The following ELL variants were observed in gnomAD, a reference collection of about 807,000 sequenced individuals.
ELL encodes elongation factor for RNA polymerase II, also known as RNA polymerase II elongation factor ELL.
ELL carries 18 observed loss-of-function variants against 64.0 expected under a neutral mutation model. The observed-to-expected ratio is 0.28, with a 90% confidence interval of 0.19 to 0.42. ELL has a LOEUF of 0.42. Ranked by LOEUF, ELL falls within the 10% of genes least tolerant of loss-of-function variation. ELL has a pLI of 1.00. For missense variants in ELL, 797 were observed against 870.4 expected (o/e 0.92, Z 1.06); for synonymous variants, 399 against 376.2 (o/e 1.06, Z -0.70).
intron 5 of ELL, 51 bp downstream of exon 5, chr19:18,461,527 G>C (rs750503275): frequency 1.3e-6 from 2 of 1,551,716 alleles, no homozygotes; most frequent in Non-Finnish European, 1.7e-6. Context: ...ACCCGCACAA[G>C]ACCATCTGCG....
intron 1 of ELL, among the ~76,000 whole-genome samples, chr19:18,519,726 G>A (rs1976213164): frequency 6.6e-6 from 1 of 150,936 alleles, no homozygotes; most frequent in African/African-American, 2.4e-5. Context: ...AGAATCGCTT[G>A]AACCCGGGAG....
At chr19:18,514,908 C>T (rs2144980625) in intron 1 of ELL, among the ~76,000 whole-genome samples, 1 of 152,342 alleles carries the variant, frequency 6.6e-6, no homozygotes, top group Non-Finnish European at 1.5e-5. Context: ...GCTTCGAGCC[C>T]AGGGCTACGT....
chr19:18,494,971 G>C (rs1273587516), intron 1 of ELL, among the ~76,000 whole-genome samples: 1 of 152,216 alleles, frequency 6.6e-6, no homozygotes, highest in Non-Finnish European at 1.5e-5. Flanking sequence ...GAAAAAGACA[G>C]CAAGGCAGAA....
intron 1 of ELL, among the ~76,000 whole-genome samples, chr19:18,490,460 A>G (rs1483605113): frequency 6.6e-6 from 1 of 152,172 alleles, no homozygotes; most frequent in Non-Finnish European, 1.5e-5. Context: ...TCCTCCCCGC[A>G]GCGGGAGCCC....
intron 11 of ELL, 54 bp from the exon 12 acceptor site, chr19:18,444,922 C>T (rs577752638): frequency 1.1e-5 from 17 of 1,548,216 alleles, no homozygotes; most frequent in Middle Eastern, 2.4e-4. Context: ...TGCTGCTCCC[C>T]GCTGTAAGCA....
intron 1 of ELL, among the ~76,000 whole-genome samples, chr19:18,480,759 G>C (rs930247284): frequency 6.6e-6 from 1 of 151,988 alleles, no homozygotes; most frequent in East Asian, 1.9e-4. Flanking sequence ...CTCAGCTCCC[G>C]AGTAGCTGGG....
intron 1 of ELL, among the ~76,000 whole-genome samples, chr19:18,519,633 C>T (rs770161247): frequency 6.6e-5 from 10 of 152,040 alleles, no homozygotes; most frequent in Non-Finnish European, 1.0e-4. Context: ...ATGGCAAAAC[C>T]CTGTCTCTAC....
chr19:18,443,235 T>C lies in ELL; in HGVS notation c.*1517A>G, dbSNP rs1193186994. On this transcript the variant is annotated 3_prime_UTR_variant, in exon 12 of 12. Transcript: ENST00000262809. Reference sequence around the variant, plus strand: ...CCAAAGAGAAAAACAACAACAGCTATTGAAACATGAAGGATCAGTTTCCTC... The same window carrying C: ...CCAAAGAGAAAAACAACAACAGCTACTGAAACATGAAGGATCAGTTTCCTC... 2.6e-5 allele frequency: 6 copies of C among 232,166 alleles called. No homozygotes were observed. The highest frequency in any genetic ancestry group is 6.6e-5 in the African/African-American group (3 of 45,234). The allele number at this position is 232,166 out of a possible 1,614,324, so 14.4% of individuals were successfully genotyped here. A position where few individuals can be genotyped will look rare whatever the true frequency, so the allele number is the denominator to read the frequency against.
At chr19:18,450,216 T>C (rs1228056749) in intron 8 of ELL, among the ~76,000 whole-genome samples, 1 of 152,258 alleles carries the variant, frequency 6.6e-6, no homozygotes, top group Non-Finnish European at 1.5e-5. Context: ...CACAAGGCTC[T>C]GGGCCTCCGG....
chr19:18,512,029 C>G (rs8112859), intron 1 of ELL, among the ~76,000 whole-genome samples: 8 of 151,812 alleles, frequency 5.3e-5, no homozygotes, highest in Non-Finnish European at 1.0e-4. Context: ...GTGGCAGATG[C>G]CTGTAATCCC....
At chr19:18,516,899 G>C (rs1976143351) in intron 1 of ELL, among the ~76,000 whole-genome samples, 1 of 152,140 alleles carries the variant, frequency 6.6e-6, no homozygotes, top group African/African-American at 2.4e-5. Flanking sequence ...GGCCTCAGGA[G>C]GCAGGTGGAG....
intron 10 of ELL, chr19:18,446,043 C>T (rs372827717): frequency 2.0e-5 from 10 of 489,146 alleles, no homozygotes; most frequent in East Asian, 1.8e-4. Context: ...TACCCCGGCT[C>T]GCCCCCATCC....
At chr19:18,463,820 T>C (rs1174232140) in intron 4 of ELL, among the ~76,000 whole-genome samples, 1 of 150,792 alleles carries the variant, frequency 6.6e-6, no homozygotes, top group African/African-American at 2.4e-5. Flanking sequence ...CTATTAAAAA[T>C]ACAAAAAAAA....
chr19:18,487,067 A>G (rs1022964945), intron 1 of ELL, among the ~76,000 whole-genome samples: 4 of 152,188 alleles, frequency 2.6e-5, no homozygotes, highest in African/African-American at 7.2e-5. Context: ...CTAATCACTC[A>G]GGAACACAAA....
rs972871917 is a variant in ELL at position 18,444,248 on chromosome 19, C to T, written c.*504G>A. ...CTGCCCATTCCCCACGCCCTCAGAA[C>T]GCAGCTGCACCTTTCGACGACCTCT... On this transcript the variant is annotated 3_prime_UTR_variant, in exon 12 of 12. Transcript: ENST00000262809. 3 of 232,438 alleles carry T rather than the reference C, an allele frequency of 1.3e-5. No homozygotes were observed. Among genetic ancestry groups the T allele is most frequent in the African/African-American group, 2.2e-5 (1 of 45,246 alleles). 14.4% of individuals were successfully genotyped at this position (232,438 alleles called of 1,614,324 possible).
intron 1 of ELL, among the ~76,000 whole-genome samples, chr19:18,511,173 A>G (rs1029633240): frequency 1.1e-4 from 17 of 152,030 alleles, no homozygotes; most frequent in African/African-American, 3.6e-4. Flanking sequence ...AGGCTGAGGT[A>G]GGAGAATGGC....
intron 1 of ELL, among the ~76,000 whole-genome samples, chr19:18,500,479 C>G (rs562270966): frequency 3.3e-5 from 5 of 152,318 alleles, no homozygotes; most frequent in African/African-American, 1.2e-4. Context: ...AAATCTTACA[C>G]ACAGAATCCA....
intron 6 of ELL, among the ~76,000 whole-genome samples, chr19:18,455,714 GA>G (rs978785417): frequency 2.7e-5 from 4 of 149,062 alleles, no homozygotes; most frequent in African/African-American, 7.4e-5. Flanking sequence ...TCTGTCTCAA[GA>G]AAAAAAAAGA....
intron 8 of ELL, among the ~76,000 whole-genome samples, chr19:18,447,172 G>C (rs1327709442): frequency 6.6e-6 from 1 of 152,252 alleles, no homozygotes; most frequent in East Asian, 1.9e-4. Context: ...ACCGGTCAGA[G>C]CTTCCCCCAG....
Sources: allele counts gnomAD v4.1 joint callset (sites outside exome capture counted in the v4.1 genomes callset), GRCh38; gene constraint gnomAD v4.1.1; transcripts MANE v1.5; gene names NCBI Gene and HGNC (gene_info 2026-07-23, HGNC 2026-07-21).